Variants in KAZN observed in about 807,000 individuals in gnomAD.
The protein encoded by KAZN is kazrin, periplakin interacting protein.
A neutral mutation model predicts 87.4 loss-of-function variants in KAZN; 40 were observed. The ratio of observed to expected loss-of-function variants is 0.46; its 90% CI spans 0.36 to 0.60. The LOEUF is 0.60. Ranked by LOEUF, KAZN falls within the 20% of genes least tolerant of loss-of-function variation. The probability of loss-of-function intolerance (pLI) is 0.00; values close to 1 mark genes in which losing one functional copy is unlikely to be tolerated. For synonymous variants in KAZN, 466 were observed against 458.3 expected (o/e 1.02, Z -0.22); for missense variants, 898 against 1,073.9 (o/e 0.84, Z 2.29).
At chr1:13,987,840 G>A (rs1639091925) in intron 1 of KAZN, among the ~76,000 whole-genome samples, 1 of 152,158 alleles carries the variant, frequency 6.6e-6, no homozygotes, top group African/African-American at 2.4e-5. Context: ...CAATACCTGA[G>A]CCTGGGTAAT....
chr1:14,011,938 A>G (rs2101194961), intron 1 of KAZN, among the ~76,000 whole-genome samples: 1 of 152,112 alleles, frequency 6.6e-6, no homozygotes, highest in South Asian at 2.1e-4. Flanking sequence ...GCATGGTTCT[A>G]CCTTTTAGGG....
At chr1:14,514,459 ATAT>A (rs1671150668) in intron 2 of KAZN, among the ~76,000 whole-genome samples, 1 of 6,892 alleles carries the variant, frequency 1.5e-4, no homozygotes, top group African/African-American at 4.7e-4. Context: ...TATATTATAT[ATAT>A]TTTATATAAA....
At chr1:14,657,844 G>T (rs751584418) in intron 1 of KAZN, among the ~76,000 whole-genome samples, 1 of 152,078 alleles carries the variant, frequency 6.6e-6, no homozygotes, top group Non-Finnish European at 1.5e-5. Context: ...CCTAGTGTTT[G>T]TTTGTTTGTT....
chr1:14,976,595 C>G (rs1327560238), intron 2 of KAZN, among the ~76,000 whole-genome samples: 1 of 152,198 alleles, frequency 6.6e-6, no homozygotes, highest in Non-Finnish European at 1.5e-5. Flanking sequence ...GATGAGCCCA[C>G]GCTGCCCAGC....
At chr1:14,954,832 T>C (rs1299162894) in intron 1 of KAZN, among the ~76,000 whole-genome samples, 1 of 152,128 alleles carries the variant, frequency 6.6e-6, no homozygotes, top group Non-Finnish European at 1.5e-5. Context: ...GGCAGGCGCC[T>C]GTAGTCCCAG....
chr1:14,123,257 T>A (rs1439097692), intron 1 of KAZN, among the ~76,000 whole-genome samples: 1 of 152,192 alleles, frequency 6.6e-6, no homozygotes, highest in Non-Finnish European at 1.5e-5. Flanking sequence ...CACAGAGGCA[T>A]GACTTTTTTT....
At chr1:15,001,827 G>A (rs921278584) in intron 2 of KAZN, among the ~76,000 whole-genome samples, 1 of 149,622 alleles carries the variant, frequency 6.7e-6, no homozygotes, top group Non-Finnish European at 1.5e-5. Context: ...GTGAGAGGTG[G>A]ATTCTTCTGG....
rs148201738 is a variant in KAZN, at chr1:14,019,844, G to A, written c.91+126088G>A. On this transcript the variant is annotated intron_variant, in intron 1 of 16. Coordinates refer to the KAZN transcript ENST00000636203. ...TTTCAGCACCAGGGACTGGTTTCAC[G>A]GAAGACAATTTTTCCATGGATGGCT... is the stretch of plus-strand genomic sequence containing the variant. Among the ~76,000 whole-genome samples the A allele has an allele frequency of 4.8e-3, 730 of 152,210 alleles. 9 individuals carry two copies. Among genetic ancestry groups the A allele is most frequent in the African/African-American group, 0.017 (695 of 41,524 alleles).
chr1:14,307,558 C>T (rs1339362), intron 2 of KAZN, among the ~76,000 whole-genome samples: 7,047 of 152,230 alleles, frequency 0.046, 221 homozygotes, highest in African/African-American at 0.083. Flanking sequence ...TCCTCCAAGA[C>T]CATTATCTAT....
chr1:14,879,113 C>CAAAT lies in KAZN; in HGVS notation c.227-81570_227-81569insAATA, dbSNP rs1653060980. On this transcript the variant is annotated intron_variant, in intron 1 of 14. Transcript: ENST00000376030. ...GCCAGAGCCTTGGGATTGCATTGGG[C>CAAAT]ATTTGAGCTCTGGAGTCAGGAAGGT... Among the ~76,000 whole-genome samples, 7 of 152,318 alleles carry CAAAT rather than the reference C, an allele frequency of 4.6e-5. No individual in the cohort carries two copies. In the South Asian group the frequency reaches 1.2e-3, roughly 27 times the overall value.
intron 2 of KAZN, among the ~76,000 whole-genome samples, chr1:14,477,291 T>TTCCG (rs144445095): frequency 5.8e-4 from 89 of 152,318 alleles, no homozygotes; most frequent in Middle Eastern, 3.4e-3. Context: ...CCTCCTTGCC[T>TTCCG]TCCGCCATGA....
rs766776982 is a variant in KAZN, at chr1:14,547,825, G to C, written c.250-51158G>C. ...AGGATGGTCTCGATCTCCTGACCTT[G>C]CGATCTGCCCGCCTCAGCCTCCCAA... is the stretch of plus-strand genomic sequence containing the variant. On this transcript the variant is annotated intron_variant, in intron 2 of 16. Transcript: ENST00000636203. Among the ~76,000 whole-genome samples the C allele has an allele frequency of 2.4e-4, 37 of 151,928 alleles. 1 individual carries two copies. The highest frequency in any genetic ancestry group is 4.7e-4 in the Non-Finnish European group (32 of 67,978).
intron 1 of KAZN, among the ~76,000 whole-genome samples, chr1:14,938,415 A>G (rs1660693565): frequency 6.6e-6 from 1 of 151,976 alleles, no homozygotes; most frequent in Non-Finnish European, 1.5e-5. Flanking sequence ...GGTGGTGGAC[A>G]CCTGTAATCC....
chr1:14,351,519 A>G (rs760488750), intron 2 of KAZN, among the ~76,000 whole-genome samples: 8 of 152,210 alleles, frequency 5.3e-5, no homozygotes, highest in Non-Finnish European at 1.0e-4. Flanking sequence ...AGATTGCACT[A>G]CTGCACTCCA....
chr1:14,410,759 T>C lies in KAZN; in HGVS notation c.250-188224T>C, dbSNP rs148358608. On this transcript the variant is annotated intron_variant, in intron 2 of 16. Coordinates refer to the KAZN transcript ENST00000636203. ...AGAGAACCCTGGAGAGATTTGAAGA[T>C]GCTGGCCTTGGAGATGAGAGTGGTG... Among the ~76,000 whole-genome samples, 288 of 152,280 alleles carry C rather than the reference T, an allele frequency of 1.9e-3. 2 individuals are homozygous for C. The East Asian group carries it at 0.032, about 17-fold the overall frequency.
chr1:14,229,497 A>G lies in KAZN; in HGVS notation c.249+48905A>G, dbSNP rs559397654. On this transcript the variant is annotated intron_variant, in intron 2 of 16. Coordinates refer to the KAZN transcript ENST00000636203. ...TGATCATATTGGTGAGGAGAAATGCAAAAGATGAACAGATGTAAAGAAAAT... is the reference window on the plus strand; with the variant it reads ...TGATCATATTGGTGAGGAGAAATGCGAAAGATGAACAGATGTAAAGAAAAT... 3.3e-5 allele frequency among the ~76,000 whole-genome samples: 5 copies of G among 152,380 alleles called. No individual in the cohort carries two copies. The South Asian group carries it at 1.0e-3, about 32-fold the overall frequency.
At chr1:14,874,786 A>G (rs1371434466) in intron 1 of KAZN, among the ~76,000 whole-genome samples, 1 of 152,086 alleles carries the variant, frequency 6.6e-6, no homozygotes, top group African/African-American at 2.4e-5. Flanking sequence ...ATTACCCATA[A>G]TGCTCTTGGT....
At position 15,044,075 on chromosome 1, in the gene KAZN, G is replaced by A. The variant is rs763284064; in HGVS notation, c.642G>A (p.Glu214=). The A allele has an allele frequency of 6.2e-7, 1 of 1,612,792 alleles. No homozygotes were observed. Among genetic ancestry groups the A allele is most frequent in the Non-Finnish European group, 8.5e-7 (1 of 1,179,876 alleles). ...EKWELRRQAK[E]ATDHATALRS... The stretch of plus-strand genomic sequence containing the variant: ...GGGAGCTGCGGCGCCAAGCCAAGGA[G>A]GCCACAGACCACGCCACGGCACTGC... The change falls in exon 4 of 15, where the codon GAG becomes GAA. Residue 214 remains glutamate (E), a synonymous_variant. Coordinates refer to ENST00000376030, the MANE Select transcript of KAZN (RefSeq NM_201628.3).
rs747820068 is a variant in KAZN, at chr1:15,094,159, G to A, written c.1223-21G>A. The A allele has an allele frequency of 6.2e-6, 10 of 1,609,810 alleles. No individual in the cohort carries two copies. The South Asian group carries it at 1.1e-4, about 18-fold the overall frequency. ...CCCAGCAGCCTCGTCCCCCAGCATGGCCTGCACTTGTGTGTTGCAGACTCG... is the reference window on the plus strand; with the variant it reads ...CCCAGCAGCCTCGTCCCCCAGCATGACCTGCACTTGTGTGTTGCAGACTCG... On this transcript the variant is annotated intron_variant, in intron 8 of 14. Coordinates refer to ENST00000376030, the MANE Select transcript of KAZN (RefSeq NM_201628.3). This position sits in a 1 kb window ranked among gnomAD's most constrained non-coding sequence, Gnocchi z 4.5.
Sources: allele counts gnomAD v4.1 joint callset (sites outside exome capture counted in the v4.1 genomes callset), GRCh38; gene constraint gnomAD v4.1.1; non-coding constraint Gnocchi (gnomAD v3.1); transcripts MANE v1.5; gene names NCBI Gene and HGNC (gene_info 2026-07-23, HGNC 2026-07-21).